Variants in STK36 observed in about 807,000 individuals in gnomAD.
The protein encoded by STK36 is serine/threonine kinase 36, also known as serine/threonine-protein kinase 36.
Under a neutral mutation model 142.2 loss-of-function variants are expected in STK36, and 116 were observed. The ratio of observed to expected loss-of-function variants is 0.82; its 90% confidence interval spans 0.70 to 0.95. The LOEUF (loss-of-function observed/expected upper bound fraction) is 0.95, where lower values mean the gene tolerates loss of function less well. Ranked by LOEUF, STK36 falls within the 40% of genes least tolerant of loss-of-function variation. The probability of loss-of-function intolerance (pLI) is 0.00; values close to 1 mark genes in which losing one functional copy is unlikely to be tolerated. For synonymous variants in STK36, 619 were observed against 641.7 expected (o/e 0.96, Z 0.53); for missense variants, 1,422 against 1,617.2 (o/e 0.88, Z 2.07).
chr2:218,680,149 A>T, intron 9 of STK36, 69 bp downstream of exon 9: 1 of 1,480,520 alleles, frequency 6.8e-7, no homozygotes, highest in Non-Finnish European at 9.3e-7. Context: ...AGCCAAAGCA[A>T]ATACAGAATG....
chr2:218,680,226 A>G (rs1342471114), intron 9 of STK36, 146 bp downstream of exon 9: 2 of 753,564 alleles, frequency 2.7e-6, no homozygotes, highest in African/African-American at 1.8e-5. Context: ...GGATTCTTGG[A>G]TTCTAATTAT....
chr2:218,695,086 G>T (rs1380647691), intron 21 of STK36, among the ~76,000 whole-genome samples: 1 of 152,146 alleles, frequency 6.6e-6, no homozygotes, highest in East Asian at 1.9e-4. Context: ...CAGGAACTCA[G>T]TCCATTATGT....
chr2:218,701,030 A>G (rs1941421301), intron 26 of STK36, among the ~76,000 whole-genome samples: 1 of 151,162 alleles, frequency 6.6e-6, no homozygotes, highest in African/African-American at 2.4e-5. Context: ...AAAAAAGCCC[A>G]TTGGAAATCA....
chr2:218,675,356 C>T lies in STK36; in HGVS notation c.317C>T (p.Ala106Val). ...KLPEDQVQAI[A>V]AQLVSALYYL... ...TTTAATTTCTAGGTTCAGGCCATTG[C>T]TGCCCAGTTGGTGTCAGCCCTGTAC... is the stretch of plus-strand genomic sequence containing the variant. The change falls in exon 5 of 27, where the codon GCT becomes GTT. Residue 106 changes from alanine (A) to valine (V), a missense_variant. By Grantham distance (64) the Ala-to-Val change is moderately conservative. Around this residue, in one of 2 missense-constraint regions of STK36, gnomAD observed 460 missense variants for 449.6 expected, o/e 1.02. Transcript: ENST00000295709. 2 of 1,612,586 alleles carry T rather than the reference C, an allele frequency of 1.2e-6. No homozygotes were observed. Among genetic ancestry groups the T allele is most frequent in the Non-Finnish European group, 1.7e-6 (2 of 1,179,424 alleles).
Position 218,676,014 on chromosome 2 carries a change from C to A in STK36, c.435-15C>A. The A allele has an allele frequency of 1.2e-6, 2 of 1,612,852 alleles. No individual in the cohort carries two copies. The highest frequency in any genetic ancestry group is 1.7e-6 in the Non-Finnish European group (2 of 1,179,148). On this transcript the variant is annotated splice_polypyrimidine_tract_variant and intron_variant, in intron 5 of 26. Transcript: ENST00000295709. Reference sequence around the variant, plus strand: ...ATCTTTTCCCTTTCCATTTCCATCCCATTATCTTCTGCAGATTTGCCCGGG... The same window carrying A: ...ATCTTTTCCCTTTCCATTTCCATCCAATTATCTTCTGCAGATTTGCCCGGG...
intron 6 of STK36, among the ~76,000 whole-genome samples, chr2:218,677,699 A>G (rs901275095): frequency 6.6e-6 from 1 of 152,204 alleles, no homozygotes; most frequent in African/African-American, 2.4e-5. Context: ...TGGTTCAGTG[A>G]TTAGGGGCAG....
At chr2:218,679,512 G>A (rs1397520325) in intron 7 of STK36, 48 bp from the exon 8 acceptor site, 8 of 1,583,476 alleles carry the variant, frequency 5.1e-6, no homozygotes, top group African/African-American at 2.7e-5. Flanking sequence ...GTGGACACAG[G>A]GACTATGGCC....
rs748061499 is a variant in STK36, at chr2:218,698,589, C to G, written c.3058-13C>G. ...TCTCTCTCCCTGAATCCTTTTACCT[C>G]CTGTTCTCTCAGGTCTGCTGCTACC... On this transcript the variant is annotated splice_polypyrimidine_tract_variant and intron_variant, in intron 25 of 26. Transcript: ENST00000295709. The G allele has an allele frequency of 6.2e-7, 1 of 1,610,810 alleles. No homozygotes were observed. The highest frequency in any genetic ancestry group is 1.1e-5 in the South Asian group (1 of 90,604).
chr2:218,676,264 A>G lies in STK36; in HGVS notation c.670A>G (p.Ser224Gly). 1 of 1,614,200 alleles carries G rather than the reference A, an allele frequency of 6.2e-7. No homozygotes were observed. Among genetic ancestry groups the G allele is most frequent in the Non-Finnish European group, 8.5e-7 (1 of 1,180,036 alleles). The stretch of plus-strand genomic sequence containing the variant: ...CCCTGTGCGCTGGCCCTCAACCATC[A>G]GTCCCTGCTTTAAGGTAATGAATAT... ...KDPVRWPSTI[S>G]PCFKNFLQGL... The change falls in exon 6 of 27, where the codon AGT becomes GGT. Residue 224 changes from serine to glycine, a missense_variant. By Grantham distance (56) the Ser-to-Gly change is moderately conservative. This residue lies in a region of STK36 where 460 missense variants were observed against 449.6 expected (regional missense o/e 1.02). Coordinates refer to ENST00000295709, the MANE Select transcript of STK36 (RefSeq NM_015690.5).
intron 25 of STK36, 98 bp from the exon 26 acceptor site, chr2:218,698,504 C>T (rs1369049092): frequency 4.1e-6 from 6 of 1,458,918 alleles, no homozygotes; most frequent in Non-Finnish European, 3.7e-6. Flanking sequence ...TGGCATTTCT[C>T]ACCATAGCTT....
chr2:218,698,048 T>G, intron 25 of STK36, 47 bp downstream of exon 25: 1 of 1,611,090 alleles, frequency 6.2e-7, no homozygotes, highest in Non-Finnish European at 8.5e-7. Context: ...ATAGCCAACC[T>G]TGTATCCTCT....
intron 11 of STK36, among the ~76,000 whole-genome samples, chr2:218,686,393 G>A (rs1176838040): frequency 1.3e-5 from 2 of 152,060 alleles, no homozygotes; most frequent in Admixed American, 6.6e-5. Flanking sequence ...AAGTAGCTTG[G>A]ATTACAGGCG....
rs575113020 is a variant in STK36 at position 218,700,744 on chromosome 2, G to A, written c.3805-1122G>A. ...AGAGTCCAGTAGGCCAGGCTCTGTG[G>A]CTCTTGCCTGTAATCCCAGCACTTT... is the stretch of plus-strand genomic sequence containing the variant. On this transcript the variant is annotated intron_variant, in intron 26 of 26. Transcript: ENST00000295709. Among the ~76,000 whole-genome samples, 13 of 151,666 alleles carry A rather than the reference G, an allele frequency of 8.6e-5. No homozygotes were observed. The South Asian group carries it at 2.7e-3, about 32-fold the overall frequency.
Position 218,697,463 on chromosome 2 carries a change from G to C in STK36, c.2762G>C (p.Gly921Ala). The part of the protein sequence containing the change: ...EPDWTLISPQ[G>A]MAALLSLAMA... ...GGGTCTCCATTTTTGGTGTTACCAGGCATGGCAGCCCTGCTGAGCCTGGCC... is the reference window on the plus strand; with the variant it reads ...GGGTCTCCATTTTTGGTGTTACCAGCCATGGCAGCCCTGCTGAGCCTGGCC... Residue 921 changes from glycine to alanine, a missense_variant and splice_region_variant, in exon 24 of 27, where the codon GGC (glycine) becomes GCC (alanine). This residue lies in a region of STK36 where 962 missense variants were observed against 1,167.5 expected (regional missense o/e 0.82). Coordinates refer to ENST00000295709, the MANE Select transcript of STK36 (RefSeq NM_015690.5). 6.2e-7 allele frequency: 1 copy of C among 1,613,752 alleles called. No individual in the cohort carries two copies. Among genetic ancestry groups the C allele is most frequent in the East Asian group, 2.2e-5 (1 of 44,874 alleles).
chr2:218,688,095 G>A (rs1354187465), intron 11 of STK36, among the ~76,000 whole-genome samples: 1 of 152,212 alleles, frequency 6.6e-6, no homozygotes, highest in Non-Finnish European at 1.5e-5. Context: ...GAGGCAGAGA[G>A]GTTGCAGTGA....
At position 218,675,435 on chromosome 2, in the gene STK36, C is replaced by T. The variant is rs757758745; in HGVS notation, c.396C>T (p.Leu132=). The T allele has an allele frequency of 2.5e-6, 4 of 1,613,784 alleles. No individual in the cohort carries two copies. Among genetic ancestry groups the T allele is most frequent in the Non-Finnish European group, 1.7e-6 (2 of 1,179,964 alleles). Reference sequence around the variant, plus strand: ...GAGATATGAAGCCTCAGAACATCCTCCTCGCCAAGGGTGGTGGCATCAAGC... The same window carrying T: ...GAGATATGAAGCCTCAGAACATCCTTCTCGCCAAGGGTGGTGGCATCAAGC... ...LHRDMKPQNI[L]LAKGGGIKLC... is the part of the protein sequence containing the mutation. The change falls in exon 5 of 27, where the codon CTC becomes CTT. Residue 132 remains leucine, a synonymous_variant. Coordinates refer to ENST00000295709, the MANE Select transcript of STK36 (RefSeq NM_015690.5).
chr2:218,688,309 C>T, intron 11 of STK36: 1 of 459,410 alleles, frequency 2.2e-6, no homozygotes, highest in East Asian at 6.9e-5. Flanking sequence ...TTTTGTCTTT[C>T]TGTGGTTAAA....
Position 218,688,399 on chromosome 2 carries a change from C to T in STK36, c.1381-298C>T, listed in dbSNP as rs112228398. 3.6e-4 allele frequency: 196 copies of T among 551,382 alleles called. 1 individual carries two copies. Among genetic ancestry groups the T allele is most frequent in the African/African-American group, 3.1e-3 (164 of 53,482 alleles). The allele number at this position is 551,382 out of a possible 1,614,324, so 34.2% of individuals were successfully genotyped here. On this transcript the variant is annotated intron_variant, in intron 11 of 26. Transcript: ENST00000295709. ...TGTTTTTTGTTTTTAAGGTGAAGGG[C>T]TGGAGAAGGGAGGGAGCAGATGGGA...
In STK36 at chr2:218,686,661, G is replaced by A. The variant is rs1383958332; in HGVS notation, c.1380+1433G>A. Among the ~76,000 whole-genome samples, 3 of 152,186 alleles carry A rather than the reference G, an allele frequency of 2.0e-5. No individual in the cohort carries two copies. The East Asian group carries it at 5.8e-4, about 29-fold the overall frequency. On this transcript the variant is annotated intron_variant, in intron 11 of 26. Coordinates refer to ENST00000295709, the MANE Select transcript of STK36 (RefSeq NM_015690.5). ...CATTTTGTTTATCCACTCACTAGTTGATTAGATATTGATGTATTGGGTTGT... is the reference window on the plus strand; with the variant it reads ...CATTTTGTTTATCCACTCACTAGTTAATTAGATATTGATGTATTGGGTTGT...
Sources: gnomAD v4.1 joint callset for allele counts (sites outside exome capture counted in the v4.1 genomes callset) on GRCh38, gnomAD v4.1.1 for gene constraint, gnomAD v4.1.1 regional missense constraint, MANE v1.5 for transcripts, NCBI Gene and HGNC (gene_info 2026-07-23, HGNC 2026-07-21) for gene names.